Variants in ADGRA2 observed in about 807,000 individuals in gnomAD.
ADGRA2 encodes G-protein coupled receptor 124.
In ADGRA2, 61 loss-of-function variants were observed where a neutral mutation model predicts 98.7. The observed-to-expected ratio is 0.62, with a 90% confidence interval of 0.50 to 0.76. The LOEUF is 0.76. Among genes scored for constraint, ADGRA2 ranks in the 30% least tolerant of loss-of-function variants. The pLI, the probability that ADGRA2 is intolerant of heterozygous loss-of-function variation, is 0.00. For missense variants in ADGRA2, 1,712 were observed against 1,860.0 expected, an observed-to-expected ratio of 0.92 and a Z score of 1.46; for synonymous variants, 858 against 831.5, an observed-to-expected ratio of 1.03 and a Z score of -0.55.
intron 1 of ADGRA2, among the ~76,000 whole-genome samples, chr8:37,810,965 C>T (rs1428480313): frequency 6.6e-6 from 1 of 150,992 alleles, no homozygotes; most frequent in African/African-American, 2.4e-5. Flanking sequence ...AAAAAAAATA[C>T]AAAAAAATTA....
chr8:37,808,691 C>T (rs1048133586), intron 1 of ADGRA2, among the ~76,000 whole-genome samples: 1 of 152,060 alleles, frequency 6.6e-6, no homozygotes, highest in Non-Finnish European at 1.5e-5. Context: ...GTGGCTCATC[C>T]CTATAATCCC....
Position 37,831,495 on chromosome 8 carries a change from C to G in ADGRA2, c.1005C>G (p.Gly335=). Residue 335 remains glycine, a synonymous_variant, in exon 8 of 19, where the codon GGC becomes GGG. Coordinates refer to ENST00000412232, the MANE Select transcript of ADGRA2 (RefSeq NM_032777.10). ...AGTGCACCGTGTCCATGGCCCAAGGCAACGCCAGCAAGAAGGTGGAGATCG... is the reference window on the plus strand; with the variant it reads ...AGTGCACCGTGTCCATGGCCCAAGGGAACGCCAGCAAGAAGGTGGAGATCG... ...EWECTVSMAQ[G]NASKKVEIVV... The G allele has an allele frequency of 6.2e-7, 1 of 1,613,872 alleles. No homozygotes were observed.
chr8:37,806,539 T>TTTTTTTTTTTTTTTTTTTTTTA, intron 1 of ADGRA2, among the ~76,000 whole-genome samples: 1 of 143,212 alleles, frequency 7.0e-6, no homozygotes, highest in African/African-American at 2.7e-5. Context: ...TTTTTTTTTT[T>TTTTTTTTTTTTTTTTTTTTTTA]TTTGAGACAG....
Position 37,841,026 on chromosome 8 carries a change from CCCCCAGCCCCA to C in ADGRA2, c.2748-51_2748-41del. The C allele has an allele frequency of 4.4e-6, 6 of 1,364,092 alleles. No homozygotes were observed. Among genetic ancestry groups the C allele is most frequent in the Non-Finnish European group, 6.1e-6 (6 of 980,294 alleles). The allele number at this position is 1,364,092 out of a possible 1,614,324, so 84.5% of individuals were successfully genotyped here. On this transcript the variant is annotated intron_variant, in intron 18 of 18. Transcript: ENST00000412232. This position sits in a 1 kb window ranked among gnomAD's most constrained non-coding sequence, Gnocchi z 5.0. Reference sequence around the variant, plus strand: ...TATCCTGTCTCCCCAACCACCCCGGCCCCCAGCCCCACCCCAGCCATGCCCCCTGTCCTCAT... The same window carrying C: ...TATCCTGTCTCCCCAACCACCCCGGCCCCCAGCCATGCCCCCTGTCCTCAT...
Position 37,842,442 on chromosome 8 carries a change from C to G in ADGRA2, c.*87C>G. The G allele has an allele frequency of 7.9e-6, 11 of 1,386,652 alleles. No individual in the cohort carries two copies. The South Asian group carries it at 1.7e-4, about 22-fold the overall frequency. The allele number at this position is 1,386,652 out of a possible 1,614,324, so 85.9% of individuals were successfully genotyped here. On this transcript the variant is annotated 3_prime_UTR_variant, in exon 19 of 19. Coordinates refer to ENST00000412232, the MANE Select transcript of ADGRA2 (RefSeq NM_032777.10). ...CCCTCCAAGGTGTCTCCGTAGTCAGCAGGTTGGAGGCAGAGGAGCCGATGG... is the reference window on the plus strand; with the variant it reads ...CCCTCCAAGGTGTCTCCGTAGTCAGGAGGTTGGAGGCAGAGGAGCCGATGG...
chr8:37,832,093 C>T (rs1358507782), intron 8 of ADGRA2, among the ~76,000 whole-genome samples: 1 of 150,736 alleles, frequency 6.6e-6, no homozygotes, highest in African/African-American at 2.5e-5. Flanking sequence ...ACAAAATTAC[C>T]ATCTGAGATG....
At chr8:37,837,654 C>A in intron 13 of ADGRA2, 77 bp from the exon 14 acceptor site, 1 of 1,221,936 alleles carries the variant, frequency 8.2e-7, no homozygotes, top group Non-Finnish European at 1.2e-6. Context: ...GTCACTGCTG[C>A]TGCTGCTGAG....
intron 2 of ADGRA2, 47 bp downstream of exon 2, chr8:37,815,014 G>C (rs1242348296): frequency 7.6e-7 from 1 of 1,308,350 alleles, no homozygotes; most frequent in East Asian, 2.3e-5. Context: ...GGCCGTGATG[G>C]CAAGAGGTCA....
Position 37,842,339 on chromosome 8 carries a change from G to T in ADGRA2, c.4001G>T (p.Ser1334Ile). The T allele has an allele frequency of 6.6e-7, 1 of 1,506,026 alleles. No individual in the cohort carries two copies. The highest frequency in any genetic ancestry group is 2.4e-5 in the Admixed American group (1 of 42,030). The allele number at this position is 1,506,026 out of a possible 1,614,324, so 93.3% of individuals were successfully genotyped here. Residue 1334 changes from serine (S) to isoleucine (I), a missense_variant, in exon 19 of 19, where the codon AGC becomes ATC. Physicochemically the swap from Ser to Ile is moderately radical, Grantham distance 142. Transcript: ENST00000412232. ...GGCMKTGLWK[S>I]ETTV ...TGCATGAAGACCGGACTCTGGAAGA[G>T]CGAAACTACCGTCTAAGGTGGGGCG... is the stretch of plus-strand genomic sequence containing the variant.
At chr8:37,838,616 C>T (rs184779724) in intron 14 of ADGRA2, among the ~76,000 whole-genome samples, 280 of 152,284 alleles carry the variant, frequency 1.8e-3, no homozygotes, top group Admixed American at 3.2e-3. Context: ...CTGGTCACCC[C>T]CTCCCTCGTG....
In ADGRA2 at chr8:37,831,477, C is replaced by G; in HGVS notation, c.987C>G (p.Thr329=). 1 of 1,613,536 alleles carries G rather than the reference C, an allele frequency of 6.2e-7. No individual in the cohort carries two copies. Among genetic ancestry groups the G allele is most frequent in the Non-Finnish European group, 8.5e-7 (1 of 1,179,994 alleles). The change falls in exon 8 of 19, where the codon ACC becomes ACG. Residue 329 remains threonine (T), a synonymous_variant. Transcript: ENST00000412232. ...GGGCCTCAGGCGAGTGGGAGTGCACCGTGTCCATGGCCCAAGGCAACGCCA... is the reference window on the plus strand; with the variant it reads ...GGGCCTCAGGCGAGTGGGAGTGCACGGTGTCCATGGCCCAAGGCAACGCCA... ...GVWASGEWEC[T]VSMAQGNASK... is the part of the protein sequence containing the mutation.
chr8:37,804,328 C>T (rs922743820), intron 1 of ADGRA2, among the ~76,000 whole-genome samples: 1 of 147,182 alleles, frequency 6.8e-6, no homozygotes. Context: ...CTTCTCAGAC[C>T]TCTTGAAAGC....
intron 2 of ADGRA2, among the ~76,000 whole-genome samples, chr8:37,821,125 T>C (rs1270905183): frequency 6.6e-6 from 1 of 152,102 alleles, no homozygotes; most frequent in Admixed American, 6.5e-5. Context: ...AGGAAAGACT[T>C]TTGGGGCAGA....
intron 8 of ADGRA2, 66 bp from the exon 9 acceptor site, chr8:37,832,944 A>C (rs1805496275): frequency 7.8e-7 from 1 of 1,279,034 alleles, no homozygotes; most frequent in Non-Finnish European, 1.1e-6. Context: ...ACCGTTCTAA[A>C]GTCGGGAGAA....
intron 2 of ADGRA2, among the ~76,000 whole-genome samples, chr8:37,816,899 G>C (rs906042442): frequency 2.0e-4 from 30 of 148,860 alleles, no homozygotes; most frequent in African/African-American, 6.7e-4. Flanking sequence ...CTGGGCGACA[G>C]AGCAAGACTG....
At chr8:37,815,003 T>C in intron 2 of ADGRA2, 36 bp downstream of exon 2, 1 of 1,395,510 alleles carries the variant, frequency 7.2e-7, no homozygotes. Flanking sequence ...AGGAGGGGGG[T>C]GGCCGTGATG....
rs1351845459 is a variant in ADGRA2, at chr8:37,814,950, G to A, written c.321G>A (p.Leu107=). ...TCCGCAATGGCTCCTTCCTGGGACT[G>A]TCACTGCTGGAGAAGCTGTAAGTGC... The part of the protein sequence containing the change: ...TGLRNGSFLG[L]SLLEKLDLRN... Residue 107 remains leucine, a synonymous_variant, in exon 2 of 19, where the codon CTG becomes CTA. Transcript: ENST00000412232. The surrounding 1 kb of genome is among the most constrained non-coding windows in gnomAD (Gnocchi z 4.3). 2 of 1,612,144 alleles carry A rather than the reference G, an allele frequency of 1.2e-6. No individual in the cohort carries two copies. The highest frequency in any genetic ancestry group is 1.7e-6 in the Non-Finnish European group (2 of 1,178,158).
chr8:37,797,373 C>G lies in ADGRA2; in HGVS notation c.105C>G (p.Pro35=). ...LLLAPEARGA[P]GCPLSIRSCK... is the part of the protein sequence containing the mutation. ...TGGCGCCCGAGGCTCGGGGCGCGCCCGGCTGCCCGCTATCCATCCGCAGCT... is the reference window on the plus strand; with the variant it reads ...TGGCGCCCGAGGCTCGGGGCGCGCCGGGCTGCCCGCTATCCATCCGCAGCT... Residue 35 remains proline, a synonymous_variant, in exon 1 of 19, where the codon CCC becomes CCG. Transcript: ENST00000412232. The surrounding 1 kb of genome is among the most constrained non-coding windows in gnomAD (Gnocchi z 5.3). 7.0e-7 allele frequency: 1 copy of G among 1,425,572 alleles called. No individual in the cohort carries two copies. The highest frequency in any genetic ancestry group is 3.0e-5 in the East Asian group (1 of 32,864). The allele number at this position is 1,425,572 out of a possible 1,614,324, so 88.3% of individuals were successfully genotyped here. A position where few individuals can be genotyped will look rare whatever the true frequency, so the allele number is the denominator to read the frequency against.
rs887008938 is a variant in ADGRA2, at chr8:37,830,595, G to A, written c.719-115G>A. The A allele has an allele frequency of 2.9e-6, 2 of 686,658 alleles. No individual in the cohort carries two copies. Among genetic ancestry groups the A allele is most frequent in the Non-Finnish European group, 5.0e-6 (2 of 397,900 alleles). 42.5% of individuals were successfully genotyped at this position (686,658 alleles called of 1,614,324 possible). A position where few individuals can be genotyped will look rare whatever the true frequency, so the allele number is the denominator to read the frequency against. ...CCCCTTTTCCTTCCCAGCTGGAGCA[G>A]GCTGCAGGCCGAGGGCCCCGCCCCG... On this transcript the variant is annotated intron_variant, in intron 6 of 18. Coordinates refer to ENST00000412232, the MANE Select transcript of ADGRA2 (RefSeq NM_032777.10). This position sits in a 1 kb window ranked among gnomAD's most constrained non-coding sequence, Gnocchi z 4.8.
Sources: gnomAD v4.1 joint callset for allele counts (sites outside exome capture counted in the v4.1 genomes callset) on GRCh38, gnomAD v4.1.1 for gene constraint, Gnocchi (gnomAD v3.1) non-coding constraint, MANE v1.5 for transcripts, NCBI Gene and HGNC (gene_info 2026-07-23, HGNC 2026-07-21) for gene names.